Variants in GATAD2A observed in about 807,000 individuals in gnomAD.
GATAD2A encodes the protein GATA zinc finger domain containing 2A.
A neutral mutation model predicts 68.5 loss-of-function variants in GATAD2A; 12 were observed. The ratio of observed to expected loss-of-function variants is 0.18; its 90% CI spans 0.11 to 0.28. The LOEUF (loss-of-function observed/expected upper bound fraction) is 0.28, where lower values mean the gene tolerates loss of function less well. GATAD2A is among the 10% of genes least tolerant of loss of function. The probability of loss-of-function intolerance (pLI) is 1.00; values close to 1 mark genes in which losing one functional copy is unlikely to be tolerated. For missense variants in GATAD2A, 755 were observed against 868.5 expected (o/e 0.87, Z 1.64); for synonymous variants, 410 against 375.3 (o/e 1.09, Z -1.07).
At chr19:19,422,774 C>T (rs370121571) in intron 1 of GATAD2A, among the ~76,000 whole-genome samples, 8 of 150,804 alleles carry the variant, frequency 5.3e-5, no homozygotes, top group Non-Finnish European at 7.4e-5. Flanking sequence ...TGCAGTGACG[C>T]GATCTTGGCT....
chr19:19,390,634 G>A (rs1260416150), intron 1 of GATAD2A, among the ~76,000 whole-genome samples: 1 of 152,146 alleles, frequency 6.6e-6, no homozygotes, highest in Non-Finnish European at 1.5e-5. Flanking sequence ...CAAGTAGGGA[G>A]ATGTATTACT....
In GATAD2A at chr19:19,465,436, A is replaced by G; in HGVS notation, c.91A>G (p.Met31Val). Residue 31 changes from methionine to valine, a missense_variant, in exon 2 of 12, where the codon ATG becomes GTG. Met to Val is a conservative substitution (Grantham distance 21). Coordinates refer to ENST00000683918, the MANE Select transcript of GATAD2A (RefSeq NM_001384528.1). Reference sequence around the variant, plus strand: ...CGATGTGGAGAGCAAGAAAATAAAAATGGAGAGAGGATTGTTGGCTTCAGA... The same window carrying G: ...CGATGTGGAGAGCAAGAAAATAAAAGTGGAGAGAGGATTGTTGGCTTCAGA... ...EDDVESKKIK[M>V]ERGLLASDLN... The G allele has an allele frequency of 6.2e-7, 1 of 1,613,932 alleles. No homozygotes were observed. The highest frequency in any genetic ancestry group is 8.5e-7 in the Non-Finnish European group (1 of 1,179,766).
At chr19:19,426,051 G>A (rs1272224949) in intron 1 of GATAD2A, among the ~76,000 whole-genome samples, 1 of 152,134 alleles carries the variant, frequency 6.6e-6, no homozygotes, top group Admixed American at 6.5e-5. Flanking sequence ...GCCTCCCAAA[G>A]TGCTGGGATT....
rs1465528551 is a variant in GATAD2A at position 19,505,870 on chromosome 19, C to A, written c.*396C>A. ...GTGATGCGCATGGGCAAGGCCAGCG[C>A]CCGGGGCTTCTGAACCGAGCGGGGT... On this transcript the variant is annotated 3_prime_UTR_variant, in exon 12 of 12. Transcript: ENST00000683918. The A allele has an allele frequency of 2.5e-6, 1 of 400,972 alleles. No homozygotes were observed. The highest frequency in any genetic ancestry group is 4.4e-6 in the Non-Finnish European group (1 of 227,986). 24.8% of individuals were successfully genotyped at this position (400,972 alleles called of 1,614,324 possible). A position where few individuals can be genotyped will look rare whatever the true frequency, so the allele number is the denominator to read the frequency against.
chr19:19,456,981 TC>T, intron 1 of GATAD2A: 1 of 413,452 alleles, frequency 2.4e-6, no homozygotes, highest in East Asian at 1.6e-4. Context: ...AATTAGAAGA[TC>T]CCCATGCTTC....
intron 2 of GATAD2A, among the ~76,000 whole-genome samples, chr19:19,466,745 T>G (rs559833680): frequency 3.3e-5 from 5 of 152,340 alleles, no homozygotes; most frequent in African/African-American, 1.2e-4. Context: ...CAAAGAGGGC[T>G]TTTCTGTCTG....
chr19:19,448,699 A>G (rs958003415), intron 1 of GATAD2A, among the ~76,000 whole-genome samples: 4 of 152,132 alleles, frequency 2.6e-5, no homozygotes, highest in Non-Finnish European at 5.9e-5. Flanking sequence ...CACGTTGGCC[A>G]GGCTGGTCTT....
rs1288672998 is a variant in GATAD2A, at chr19:19,507,917, C to G, written c.*2443C>G. ...GTTGTATTATGACGTTTATGATGTT[C>G]CAGGTGAAGGCATTATTAAGTACCT... On this transcript the variant is annotated 3_prime_UTR_variant, in exon 12 of 12. Coordinates refer to ENST00000683918, the MANE Select transcript of GATAD2A (RefSeq NM_001384528.1). 6.6e-6 allele frequency: 1 copy of G among 152,168 alleles called. No homozygotes were observed. The highest frequency in any genetic ancestry group is 2.4e-5 in the African/African-American group (1 of 41,398). The allele number at this position is 152,168 out of a possible 1,614,324, so 9.4% of individuals were successfully genotyped here. A position where few individuals can be genotyped will look rare whatever the true frequency, so the allele number is the denominator to read the frequency against.
In GATAD2A at chr19:19,505,498, C is replaced by T. The variant is rs201411491; in HGVS notation, c.*24C>T. 1.4e-4 allele frequency: 211 copies of T among 1,549,346 alleles called. 2 individuals are homozygous for T. The South Asian group carries it at 1.5e-3, about 11-fold the overall frequency. On this transcript the variant is annotated 3_prime_UTR_variant, in exon 12 of 12. Coordinates refer to ENST00000683918, the MANE Select transcript of GATAD2A (RefSeq NM_001384528.1). ...AGTGCGAGCCAGGCCCCGTGGAAGA[C>T]GGGCTCCCTCCTCCCCCACCTGGCC...
At chr19:19,503,879 C>T (rs1001553014) in intron 11 of GATAD2A, among the ~76,000 whole-genome samples, 4 of 152,148 alleles carry the variant, frequency 2.6e-5, no homozygotes, top group African/African-American at 4.8e-5. Context: ...GACCTGGGAA[C>T]GCTTTTTCCA....
intron 1 of GATAD2A, among the ~76,000 whole-genome samples, chr19:19,448,769 C>T (rs1275407082): frequency 6.6e-6 from 1 of 152,172 alleles, no homozygotes; most frequent in Non-Finnish European, 1.5e-5. Context: ...CGCCCCTGGC[C>T]TAGCAGTAGT....
chr19:19,461,736 GC>G (rs1345053660), intron 1 of GATAD2A, among the ~76,000 whole-genome samples: 1 of 152,238 alleles, frequency 6.6e-6, no homozygotes, highest in Non-Finnish European at 1.5e-5. Flanking sequence ...TGCCCACTCA[GC>G]CTTGCTGGTG....
chr19:19,503,139 T>C (rs932675394), intron 11 of GATAD2A, among the ~76,000 whole-genome samples: 1 of 152,230 alleles, frequency 6.6e-6, no homozygotes, highest in African/African-American at 2.4e-5. Flanking sequence ...TATTTTTTCA[T>C]GTATGTGTTA....
intron 2 of GATAD2A, among the ~76,000 whole-genome samples, chr19:19,486,955 A>G (rs755943701): frequency 2.0e-5 from 3 of 152,212 alleles, no homozygotes; most frequent in African/African-American, 4.8e-5. Flanking sequence ...GGCTCTCTCC[A>G]CAGCCTGACT....
At chr19:19,412,125 T>TTC in intron 1 of GATAD2A, among the ~76,000 whole-genome samples, 1 of 151,808 alleles carries the variant, frequency 6.6e-6, no homozygotes, top group East Asian at 1.9e-4. Context: ...CCGCTTTTTT[T>TTC]TCTCTCTCTT....
chr19:19,436,077 T>G lies in GATAD2A; in HGVS notation c.-6-29263T>G, dbSNP rs139532966. 5.1e-3 allele frequency: 4,893 copies of G among 953,934 alleles called. 103 individuals carry two copies. Among genetic ancestry groups the G allele is most frequent in the South Asian group, 0.039 (3,070 of 78,820 alleles). The allele number at this position is 953,934 out of a possible 1,614,324, so 59.1% of individuals were successfully genotyped here. ...GAGACATTTTAGAAATGCCAGTATG[T>G]TCCAGAAACCTTGCTTGGAAACACA... On this transcript the variant is annotated intron_variant, in intron 1 of 11. Coordinates refer to ENST00000683918, the MANE Select transcript of GATAD2A (RefSeq NM_001384528.1).
chr19:19,437,981 C>T lies in GATAD2A; in HGVS notation c.-6-27359C>T, dbSNP rs80079826. On this transcript the variant is annotated intron_variant, in intron 1 of 11. Coordinates refer to ENST00000683918, the MANE Select transcript of GATAD2A (RefSeq NM_001384528.1). ...GATCATATGGTAACTTTCTGTTAAT[C>T]TCTTTTCAGGAATTACCAGACTGTT... Among the ~76,000 whole-genome samples the T allele has an allele frequency of 5.3e-3, 804 of 152,288 alleles. 6 individuals are homozygous for T. Among genetic ancestry groups the T allele is most frequent in the South Asian group, 0.041 (198 of 4,826 alleles).
intron 1 of GATAD2A, among the ~76,000 whole-genome samples, chr19:19,455,366 T>C (rs139331558): frequency 6.6e-6 from 1 of 152,230 alleles, no homozygotes; most frequent in East Asian, 1.9e-4. Flanking sequence ...GGCATGTGCC[T>C]GTAGTCCCAC....
At position 19,450,758 on chromosome 19, in the gene GATAD2A, A is replaced by C. The variant is rs539447857; in HGVS notation, c.-6-14582A>C. On this transcript the variant is annotated intron_variant, in intron 1 of 11. Coordinates refer to ENST00000683918, the MANE Select transcript of GATAD2A (RefSeq NM_001384528.1). Reference sequence around the variant, plus strand: ...CTCATTACATTAAAAAAAAAAAAAAAAAAACTCTTTTTTTTTGTTTGTTTT... The same window carrying C: ...CTCATTACATTAAAAAAAAAAAAAACAAAACTCTTTTTTTTTGTTTGTTTT... 4.2e-3 allele frequency among the ~76,000 whole-genome samples: 635 copies of C among 151,184 alleles called. 2 individuals are homozygous for C. Among genetic ancestry groups the C allele is most frequent in the African/African-American group, 7.5e-3 (307 of 41,204 alleles).
Sources: gnomAD v4.1 joint callset for allele counts (sites outside exome capture counted in the v4.1 genomes callset) on GRCh38, gnomAD v4.1.1 for gene constraint, MANE v1.5 for transcripts, NCBI Gene and HGNC (gene_info 2026-07-23, HGNC 2026-07-21) for gene names.